PRORP: variants seen among roughly 807,000 people sequenced by gnomAD.
PRORP encodes mitochondrial ribonuclease P catalytic subunit.
In PRORP, 51 loss-of-function variants were observed where a neutral mutation model predicts 59.4. The observed-to-expected ratio is 0.86, with a 90% CI of 0.69 to 1.08. The LOEUF (loss-of-function observed/expected upper bound fraction) is 1.08, where lower values mean the gene tolerates loss of function less well. PRORP is among the 50% of genes least tolerant of loss of function. The pLI, the probability that PRORP is intolerant of heterozygous loss-of-function variation, is 0.00. For missense variants in PRORP, 646 were observed against 690.3 expected (o/e 0.94, Z 0.72); for synonymous variants, 231 against 245.6 (o/e 0.94, Z 0.55).
At chr14:35,144,920 C>G (rs1039142041) in intron 4 of PRORP, among the ~76,000 whole-genome samples, 3 of 145,670 alleles carry the variant, frequency 2.1e-5, no homozygotes, top group Non-Finnish European at 4.6e-5. Flanking sequence ...GAAGCTAAAA[C>G]AAAGACAGCA....
At chr14:35,237,076 T>C (rs2050239771) in intron 5 of PRORP, among the ~76,000 whole-genome samples, 1 of 134,400 alleles carries the variant, frequency 7.4e-6, no homozygotes, top group Admixed American at 7.4e-5. Flanking sequence ...CTTTCCTTCC[T>C]TCCTTCCTTC....
chr14:35,126,182 A>G (rs1220582306), intron 2 of PRORP, among the ~76,000 whole-genome samples: 1 of 152,088 alleles, frequency 6.6e-6, no homozygotes, highest in African/African-American at 2.4e-5. Context: ...GGAAGGAGAG[A>G]AGGCAGTAGA....
At chr14:35,237,039 T>TCTTCCTTCCTTTCCTTCC (rs58873626) in intron 5 of PRORP, among the ~76,000 whole-genome samples, 18,408 of 129,332 alleles carry the variant, frequency 0.14, 2,348 homozygotes, top group East Asian at 0.28. Flanking sequence ...TCCTTCCTTC[T>TCTTCCTTCCTTTCCTTCC]CTTCCTTCCT....
rs766792658 is a variant in PRORP at position 35,123,948 on chromosome 14, G to A, written c.703G>A (p.Asp235Asn). The A allele has an allele frequency of 9.9e-6, 16 of 1,613,968 alleles. No homozygotes were observed. Among genetic ancestry groups the A allele is most frequent in the African/African-American group, 1.3e-5 (1 of 74,910 alleles). The part of the protein sequence containing the change: ...RWREALLLLE[D>N]IKKVITPSKK... ...GAGAGAAGCATTGTTGCTGTTAGAG[G>A]ACATCAAAAAAGTTATAACTCCTTC... Residue 235 changes from aspartate (D) to asparagine (N), a missense_variant, in exon 2 of 8, where the codon GAC (aspartate) becomes AAC (asparagine). Asp to Asn is a conservative substitution (Grantham distance 23). Coordinates refer to ENST00000534898, the MANE Select transcript of PRORP (RefSeq NM_014672.4).
Position 35,270,552 on chromosome 14 carries a change from C to A in PRORP, c.1576C>A (p.Leu526Met). ...TTTTAAGTGGCAGCAGGGACATCAG[C>A]TGGCAATTGTAAATAGGTTTCCAGG... Reference protein sequence around the residue: ...LFFKWQQGHQLAIVNRFPGSK... With the variant: ...LFFKWQQGHQMAIVNRFPGSK... The change falls in exon 7 of 8, where the codon CTG becomes ATG. Residue 526 changes from leucine (L) to methionine (M), a missense_variant. By Grantham distance (15) the Leu-to-Met change is conservative (BLOSUM62 2). Coordinates refer to ENST00000534898, the MANE Select transcript of PRORP (RefSeq NM_014672.4). 1 of 1,614,168 alleles carries A rather than the reference C, an allele frequency of 6.2e-7. No individual in the cohort carries two copies. Among genetic ancestry groups the A allele is most frequent in the Non-Finnish European group, 8.5e-7 (1 of 1,180,036 alleles).
chr14:35,157,043 T>C (rs1445143471), intron 4 of PRORP, among the ~76,000 whole-genome samples: 246 of 151,298 alleles, frequency 1.6e-3, no homozygotes, highest in Non-Finnish European at 3.1e-3. Flanking sequence ...GCAAGCTCCG[T>C]CTCCTGGGTT....
chr14:35,168,269 T>C (rs1249279564), intron 4 of PRORP, among the ~76,000 whole-genome samples: 1 of 152,210 alleles, frequency 6.6e-6, no homozygotes, highest in African/African-American at 2.4e-5. Flanking sequence ...ACATACTTGT[T>C]ATGGGTCAGT....
intron 5 of PRORP, chr14:35,219,128 G>C (rs2049701039): frequency 6.6e-6 from 1 of 152,188 alleles, no homozygotes; most frequent in African/African-American, 2.4e-5. Flanking sequence ...GAAGACCTTA[G>C]CTCTGCACAC....
Position 35,143,325 on chromosome 14 carries a change from C to A in PRORP, c.1167+15714C>A, listed in dbSNP as rs982091903. Among the ~76,000 whole-genome samples the A allele has an allele frequency of 2.1e-5, 3 of 144,130 alleles. 1 individual carries two copies. In the East Asian group the frequency reaches 7.2e-4, roughly 35 times the overall value. 94.6% of individuals were successfully genotyped at this position (144,130 alleles called of 152,430 possible). On this transcript the variant is annotated intron_variant, in intron 4 of 7. Coordinates refer to ENST00000534898, the MANE Select transcript of PRORP (RefSeq NM_014672.4). ...TACAGGCATATGCCACCACACCCGG[C>A]TAATTTTTGTATTTTTAGTAGAGAC... is the stretch of plus-strand genomic sequence containing the variant.
intron 5 of PRORP, among the ~76,000 whole-genome samples, chr14:35,219,508 G>T (rs997912974): frequency 6.6e-6 from 1 of 152,238 alleles, no homozygotes; most frequent in Non-Finnish European, 1.5e-5. Flanking sequence ...TTTAGGTCCT[G>T]AGTACTTGAA....
intron 4 of PRORP, among the ~76,000 whole-genome samples, chr14:35,160,417 T>C (rs187556466): frequency 6.6e-6 from 1 of 152,368 alleles, no homozygotes; most frequent in African/African-American, 2.4e-5. Flanking sequence ...TACTGTTGAA[T>C]TTATGCACTA....
intron 5 of PRORP, among the ~76,000 whole-genome samples, chr14:35,196,808 T>TA (rs1229908527): frequency 2.6e-5 from 4 of 152,174 alleles, no homozygotes; most frequent in African/African-American, 9.7e-5. Context: ...TGTTAAGAGT[T>TA]ATGTTTTGTC....
chr14:35,156,038 T>C (rs1330484765), intron 4 of PRORP, among the ~76,000 whole-genome samples: 3 of 152,228 alleles, frequency 2.0e-5, no homozygotes, highest in Non-Finnish European at 4.4e-5. Flanking sequence ...GAAAAAATCC[T>C]GTACAAGTTA....
intron 4 of PRORP, among the ~76,000 whole-genome samples, chr14:35,134,624 C>T (rs1236499062): frequency 1.3e-5 from 2 of 151,968 alleles, no homozygotes; most frequent in African/African-American, 2.4e-5. Context: ...TGACTCTGAC[C>T]GGTACCCCAT....
intron 4 of PRORP, among the ~76,000 whole-genome samples, chr14:35,177,497 T>C (rs1012291753): frequency 6.8e-4 from 104 of 152,316 alleles, no homozygotes; most frequent in African/African-American, 2.4e-3. Context: ...CAGGAATTTA[T>C]CCATTTCTTC....
In PRORP at chr14:35,123,460, A is replaced by C; in HGVS notation, c.215A>C (p.Glu72Ala). ...IAKARYLRKD[E>A]GSNKQVYSVP... ...AAGGCCAGATATCTCAGGAAAGATG[A>C]GGGCAGTAATAAGCAAGTTTATTCT... is the stretch of plus-strand genomic sequence containing the variant. Residue 72 changes from glutamate to alanine, a missense_variant, in exon 2 of 8, where the codon GAG (glutamate) becomes GCG (alanine). By Grantham distance (107) the Glu-to-Ala change is moderately radical. Coordinates refer to ENST00000534898, the MANE Select transcript of PRORP (RefSeq NM_014672.4). 2.5e-6 allele frequency: 4 copies of C among 1,614,190 alleles called. No homozygotes were observed.
intron 5 of PRORP, among the ~76,000 whole-genome samples, chr14:35,256,060 C>T (rs1398567594): frequency 6.6e-6 from 1 of 151,610 alleles, no homozygotes; most frequent in East Asian, 2.0e-4. Context: ...CCAAGGAGGG[C>T]GGATCACGAG....
At chr14:35,154,379 T>G (rs531544747) in intron 4 of PRORP, among the ~76,000 whole-genome samples, 4 of 152,200 alleles carry the variant, frequency 2.6e-5, no homozygotes, top group Non-Finnish European at 4.4e-5. Context: ...AGGGAGAAAT[T>G]CCAAGTTGTT....
chr14:35,212,996 G>C (rs564381453), intron 5 of PRORP, among the ~76,000 whole-genome samples: 3 of 152,136 alleles, frequency 2.0e-5, no homozygotes, highest in Non-Finnish European at 2.9e-5. Context: ...TTGCTACTTC[G>C]TCTTACACTT....
Sources: gnomAD v4.1 joint callset for allele counts (sites outside exome capture counted in the v4.1 genomes callset) on GRCh38, gnomAD v4.1.1 for gene constraint, MANE v1.5 for transcripts, NCBI Gene and HGNC (gene_info 2026-07-23, HGNC 2026-07-21) for gene names.